ISX: variants seen among roughly 807,000 people sequenced by gnomAD.
ISX encodes intestine specific homeobox, also known as intestine-specific homeobox.
A neutral mutation model predicts 16.9 loss-of-function variants in ISX; 15 were observed. The ratio of observed to expected loss-of-function variants is 0.89; its 90% confidence interval spans 0.59 to 1.36. The LOEUF is 1.36. Ranked by LOEUF, ISX falls within the 40% of genes most tolerant of loss-of-function variation. The pLI is 0.00. For missense variants in ISX, 316 were observed against 306.1 expected (o/e 1.03, Z -0.24); for synonymous variants, 125 against 119.7 (o/e 1.04, Z -0.29).
intron 2 of ISX, among the ~76,000 whole-genome samples, chr22:35,069,863 C>T (rs1167600888): frequency 6.6e-6 from 1 of 152,072 alleles, no homozygotes; most frequent in Non-Finnish European, 1.5e-5. Flanking sequence ...AAAAGGCTTC[C>T]TAGACTGGCT....
chr22:35,071,282 T>C (rs1003660947), intron 2 of ISX, among the ~76,000 whole-genome samples: 2 of 152,212 alleles, frequency 1.3e-5, no homozygotes, highest in African/African-American at 4.8e-5. Context: ...CTGTATTAAT[T>C]TTCTATGGCT....
At chr22:35,081,733 G>A (rs1268591599) in intron 2 of ISX, among the ~76,000 whole-genome samples, 1 of 152,214 alleles carries the variant, frequency 6.6e-6, no homozygotes, top group Non-Finnish European at 1.5e-5. Context: ...CCAGGTCCCT[G>A]CGAGACCTAA....
intron 2 of ISX, among the ~76,000 whole-genome samples, chr22:35,074,873 CACACACATGCATGCACGCA>C (rs1928941199): frequency 1.3e-5 from 2 of 151,872 alleles, no homozygotes; most frequent in South Asian, 4.2e-4. Context: ...CACACGTGCA[CACACACATGCATGCACGCA>C]ACACACGCAC....
chr22:35,081,516 A>T (rs1929122960), intron 2 of ISX, among the ~76,000 whole-genome samples: 2 of 152,222 alleles, frequency 1.3e-5, no homozygotes, highest in Admixed American at 1.3e-4. Flanking sequence ...AGAGGCTATC[A>T]ATGCCTTCTC....
chr22:35,084,632 C>T (rs1929204214), intron 4 of ISX, 133 bp downstream of exon 4: 2 of 577,260 alleles, frequency 3.5e-6, no homozygotes, highest in Admixed American at 3.2e-5. Context: ...ATATTAGAAA[C>T]AGCATGGGGC....
At chr22:35,082,430 G>A (rs1055587332) in intron 2 of ISX, 88 bp from the exon 3 acceptor site, 3 of 1,320,172 alleles carry the variant, frequency 2.3e-6, no homozygotes, top group African/African-American at 2.9e-5. Context: ...CAGCAGTGGG[G>A]TGGAAGGGTA....
At chr22:35,076,112 AT>A (rs1227878037) in intron 2 of ISX, among the ~76,000 whole-genome samples, 1 of 151,670 alleles carries the variant, frequency 6.6e-6, no homozygotes, top group Admixed American at 6.6e-5. Flanking sequence ...AAAAAAAAAA[AT>A]ACCTATTGTG....
At chr22:35,080,311 C>T (rs1929095706) in intron 2 of ISX, among the ~76,000 whole-genome samples, 1 of 152,170 alleles carries the variant, frequency 6.6e-6, no homozygotes, top group Non-Finnish European at 1.5e-5. Context: ...GTCCTCAGTT[C>T]CCCTTTGAGC....
chr22:35,082,325 A>G (rs1359466710), intron 2 of ISX, among the ~76,000 whole-genome samples, 193 bp from the exon 3 acceptor site: 1 of 152,240 alleles, frequency 6.6e-6, no homozygotes, highest in Non-Finnish European at 1.5e-5. Flanking sequence ...CTCAATGTCC[A>G]TGGTGGGTGA....
At chr22:35,072,727 A>G (rs4820177) in intron 2 of ISX, among the ~76,000 whole-genome samples, 65,206 of 151,734 alleles carry the variant, frequency 0.43, 14,440 homozygotes, top group East Asian at 0.79. Flanking sequence ...TAGCCACTGA[A>G]TATCTACTGC....
In ISX at chr22:35,087,315, T is replaced by C. The variant is rs752849558; in HGVS notation, c.*1622T>C. The C allele has an allele frequency of 1.3e-5, 2 of 152,218 alleles. No homozygotes were observed. The highest frequency in any genetic ancestry group is 2.9e-5 in the Non-Finnish European group (2 of 68,048). 9.4% of individuals were successfully genotyped at this position (152,218 alleles called of 1,614,324 possible). The stretch of plus-strand genomic sequence containing the variant: ...ACAAACAAAGGCAGTAGCTCATCAC[T>C]TGGGTAGCAGGTACCCATTTTAGGA... On this transcript the variant is annotated 3_prime_UTR_variant, in exon 5 of 5. Transcript: ENST00000404699.
chr22:35,072,315 C>A (rs918259098), intron 2 of ISX, among the ~76,000 whole-genome samples: 1 of 152,156 alleles, frequency 6.6e-6, no homozygotes, highest in Non-Finnish European at 1.5e-5. Context: ...AAAAAGCAGA[C>A]CCTAAAGAAA....
At chr22:35,075,107 AAG>A (rs1928947857) in intron 2 of ISX, among the ~76,000 whole-genome samples, 1 of 152,212 alleles carries the variant, frequency 6.6e-6, no homozygotes, top group Non-Finnish European at 1.5e-5. Context: ...TAGAACACAG[AAG>A]AGGCAATAAT....
chr22:35,075,319 A>T (rs944150506), intron 2 of ISX, among the ~76,000 whole-genome samples: 2 of 152,232 alleles, frequency 1.3e-5, no homozygotes, highest in Non-Finnish European at 2.9e-5. Context: ...TAGTCACAAG[A>T]GATGAAAGAG....
At chr22:35,082,814 T>C (rs1929154342) in intron 3 of ISX, 145 bp downstream of exon 3, 1 of 787,560 alleles carries the variant, frequency 1.3e-6, no homozygotes, top group Non-Finnish European at 2.0e-6. Context: ...TGGCCAAATA[T>C]TATTTTCCAT....
In ISX at chr22:35,071,218, T is replaced by G. The variant is rs1000967032; in HGVS notation, c.229+3902T>G. Among the ~76,000 whole-genome samples the G allele has an allele frequency of 3.9e-5, 6 of 152,300 alleles. 1 individual carries two copies. The South Asian group carries it at 6.2e-4, about 16-fold the overall frequency. ...TTAAATGCTTTGGTGTCTTTGCCAT[T>G]TAGAAACCACTGCTCCTCCTGCCAC... is the stretch of plus-strand genomic sequence containing the variant. On this transcript the variant is annotated intron_variant, in intron 2 of 4. Transcript: ENST00000404699.
intron 2 of ISX, among the ~76,000 whole-genome samples, chr22:35,076,880 G>A (rs896578476): frequency 2.0e-5 from 3 of 152,160 alleles, no homozygotes; most frequent in Non-Finnish European, 4.4e-5. Context: ...CATTAACAAC[G>A]GGGAGAGGAG....
intron 3 of ISX, 40 bp from the exon 4 acceptor site, chr22:35,084,343 A>T: frequency 7.2e-7 from 1 of 1,397,302 alleles, no homozygotes; most frequent in African/African-American, 1.4e-5. Flanking sequence ...TAGATGGAGG[A>T]AAACTCTTGC....
chr22:35,075,428 G>A (rs1169292848), intron 2 of ISX, among the ~76,000 whole-genome samples: 1 of 152,132 alleles, frequency 6.6e-6, no homozygotes, highest in East Asian at 1.9e-4. Context: ...AATGTTTTGG[G>A]AACTTCAGGC....
Sources: gnomAD v4.1 joint callset for allele counts (sites outside exome capture counted in the v4.1 genomes callset) on GRCh38, gnomAD v4.1.1 for gene constraint, MANE v1.5 for transcripts, NCBI Gene and HGNC (gene_info 2026-07-23, HGNC 2026-07-21) for gene names.